PPP1R9A: variants seen among roughly 807,000 people sequenced by gnomAD.
The protein encoded by PPP1R9A is protein phosphatase 1 regulatory subunit 9A.
PPP1R9A carries 59 observed loss-of-function variants against 141.9 expected under a neutral mutation model. The ratio of observed to expected loss-of-function variants is 0.42; its 90% confidence interval spans 0.34 to 0.52. The LOEUF (loss-of-function observed/expected upper bound fraction) is 0.52, where lower values mean the gene tolerates loss of function less well. PPP1R9A is among the 20% of genes least tolerant of loss of function. The pLI is 0.10. For synonymous variants in PPP1R9A, 500 were observed against 569.7 expected, an observed-to-expected ratio of 0.88 and a Z score of 1.74; for missense variants, 1,444 against 1,611.9, an observed-to-expected ratio of 0.90 and a Z score of 1.78.
At position 95,072,941 on chromosome 7, in the gene PPP1R9A, T is replaced by C. The variant is rs1280601427; in HGVS notation, c.1396-38318T>C. Among the ~76,000 whole-genome samples the C allele has an allele frequency of 8.6e-5, 11 of 128,464 alleles. No homozygotes were observed. In the Admixed American group the frequency reaches 1.1e-3, roughly 12 times the overall value. The allele number at this position is 128,464 out of a possible 152,430, so 84.3% of individuals were successfully genotyped here. A position where few individuals can be genotyped will look rare whatever the true frequency, so the allele number is the denominator to read the frequency against. On this transcript the variant is annotated intron_variant, in intron 2 of 19. Transcript: ENST00000433360. ...TATTATATATTGCATATATATTATA[T>C]ATATTATATATTATAATATGTTATA...
At chr7:94,955,648 T>C (rs1797002667) in intron 2 of PPP1R9A, among the ~76,000 whole-genome samples, 1 of 152,140 alleles carries the variant, frequency 6.6e-6, no homozygotes, top group Admixed American at 6.6e-5. Flanking sequence ...AAATTTGTTA[T>C]TTTGTATGGT....
At chr7:94,967,243 T>C (rs953173088) in intron 2 of PPP1R9A, among the ~76,000 whole-genome samples, 4 of 152,146 alleles carry the variant, frequency 2.6e-5, no homozygotes, top group African/African-American at 9.7e-5. Flanking sequence ...GTCTATTTTG[T>C]TGATCTTTTC....
intron 4 of PPP1R9A, among the ~76,000 whole-genome samples, chr7:95,132,725 C>T (rs1824886844): frequency 6.6e-6 from 1 of 152,052 alleles, no homozygotes; most frequent in African/African-American, 2.4e-5. Flanking sequence ...GGCTTGCACC[C>T]CAGTCTGGAT....
At chr7:94,976,167 A>G (rs1799421283) in intron 2 of PPP1R9A, among the ~76,000 whole-genome samples, 1 of 152,112 alleles carries the variant, frequency 6.6e-6, no homozygotes. Context: ...ATTATCTGTT[A>G]TCTGTCAAGT....
intron 2 of PPP1R9A, among the ~76,000 whole-genome samples, chr7:94,946,114 T>C (rs1795867361): frequency 6.6e-6 from 1 of 152,124 alleles, no homozygotes; most frequent in South Asian, 2.1e-4. Context: ...GGATAGCAAA[T>C]ATGTAGAACA....
At chr7:95,265,849 G>A (rs1801209258) in intron 12 of PPP1R9A, among the ~76,000 whole-genome samples, 1 of 152,038 alleles carries the variant, frequency 6.6e-6, no homozygotes, top group East Asian at 1.9e-4. Flanking sequence ...TTAGGTACCG[G>A]ATATAAGGCA....
chr7:95,078,726 G>T (rs1261141254), intron 2 of PPP1R9A, among the ~76,000 whole-genome samples: 2 of 151,688 alleles, frequency 1.3e-5, no homozygotes, highest in Non-Finnish European at 1.5e-5. Context: ...TTCTCTGATG[G>T]CCAGTGATGG....
chr7:95,091,490 C>T (rs1817338760), intron 2 of PPP1R9A, among the ~76,000 whole-genome samples: 1 of 151,452 alleles, frequency 6.6e-6, no homozygotes, highest in Admixed American at 6.6e-5. Flanking sequence ...ATTATAAGCA[C>T]ATGACACCAC....
In PPP1R9A at chr7:94,924,359, A is replaced by AGTTCTC. The variant is rs1258166694; in HGVS notation, c.1395+12851_1395+12852insGTTCTC. Among the ~76,000 whole-genome samples, 33 of 152,164 alleles carry AGTTCTC rather than the reference A, an allele frequency of 2.2e-4. 1 individual carries two copies. Among genetic ancestry groups the AGTTCTC allele is most frequent in the African/African-American group, 8.0e-4 (33 of 41,430 alleles). ...ATCTTGCTGGCTCCTTCTCTGTATA[A>AGTTCTC]CGAGTTCTGTGAGTAGTAGCATTAG... On this transcript the variant is annotated intron_variant, in intron 2 of 19. Coordinates refer to ENST00000433360, the MANE Select transcript of PPP1R9A (RefSeq NM_001166160.2).
At chr7:95,051,573 A>T (rs1471631368) in intron 2 of PPP1R9A, among the ~76,000 whole-genome samples, 1 of 152,170 alleles carries the variant, frequency 6.6e-6, no homozygotes, top group African/African-American at 2.4e-5. Flanking sequence ...ATTGGGAAAA[A>T]TTGGCATCTT....
chr7:95,160,679 C>A (rs1383899542), intron 4 of PPP1R9A, among the ~76,000 whole-genome samples: 1 of 152,056 alleles, frequency 6.6e-6, no homozygotes, highest in Non-Finnish European at 1.5e-5. Context: ...TCCCTCTCTT[C>A]CTTTCCCCTC....
intron 2 of PPP1R9A, among the ~76,000 whole-genome samples, chr7:95,104,906 G>A (rs1281126256): frequency 1.3e-5 from 2 of 152,204 alleles, no homozygotes; most frequent in African/African-American, 4.8e-5. Context: ...GTTCTGCCAA[G>A]GAAGCTTGTG....
chr7:95,180,472 G>T (rs1833573229), intron 5 of PPP1R9A, among the ~76,000 whole-genome samples: 1 of 152,008 alleles, frequency 6.6e-6, no homozygotes, highest in Admixed American at 6.6e-5. Flanking sequence ...GGCAGTTTTG[G>T]GTTTCATGAC....
At position 95,252,163 on chromosome 7, in the gene PPP1R9A, G is replaced by C. The variant is rs760706712; in HGVS notation, c.2665+33G>C. The stretch of plus-strand genomic sequence containing the variant: ...TAACCCAACCACAAAAATCATTTTT[G>C]ATGACTGTGTAATTTGGCCTTTTAT... On this transcript the variant is annotated intron_variant, in intron 12 of 19. Coordinates refer to ENST00000433360, the MANE Select transcript of PPP1R9A (RefSeq NM_001166160.2). The C allele has an allele frequency of 7.9e-6, 12 of 1,525,772 alleles. 1 individual carries two copies. In the South Asian group the frequency reaches 1.6e-4, roughly 21 times the overall value. 94.5% of individuals were successfully genotyped at this position (1,525,772 alleles called of 1,614,324 possible). A position where few individuals can be genotyped will look rare whatever the true frequency, so the allele number is the denominator to read the frequency against.
rs539901619 is a variant in PPP1R9A, at chr7:94,949,511, A to G, written c.1395+38003A>G. Among the ~76,000 whole-genome samples, 718 of 152,280 alleles carry G rather than the reference A, an allele frequency of 4.7e-3. 8 individuals carry two copies. The Middle Eastern group carries it at 0.054, about 12-fold the overall frequency. ...ATTGGATGCAAGTGTTGTGGCCCCC[A>G]TATAAAACAAAAATGGGATTTACCC... On this transcript the variant is annotated intron_variant, in intron 2 of 19. Transcript: ENST00000433360.
At chr7:95,266,955 A>G (rs575489113) in intron 12 of PPP1R9A, among the ~76,000 whole-genome samples, 14 of 152,246 alleles carry the variant, frequency 9.2e-5, no homozygotes, top group African/African-American at 3.4e-4. Flanking sequence ...TGACATGTAA[A>G]AAGTAAAGAG....
Position 94,918,163 on chromosome 7 carries a change from CT to C in PPP1R9A, c.1395+6659del, listed in dbSNP as rs1232376393. Among the ~76,000 whole-genome samples, 3 of 152,240 alleles carry C rather than the reference CT, an allele frequency of 2.0e-5. No individual in the cohort carries two copies. In the East Asian group the frequency reaches 5.8e-4, roughly 29 times the overall value. On this transcript the variant is annotated intron_variant, in intron 2 of 19. Transcript: ENST00000433360. ...GCTATGGTTTTGAAAAGGAAGAAAA[CT>C]TTTCAAGTTATGCTTTATAGTTTTT...
intron 5 of PPP1R9A, among the ~76,000 whole-genome samples, chr7:95,186,921 A>G (rs920142153): frequency 6.6e-6 from 1 of 151,872 alleles, no homozygotes; most frequent in Non-Finnish European, 1.5e-5. Context: ...CTAGTATTTT[A>G]TTGAGGATTT....
chr7:95,135,701 C>T (rs1357290765), intron 4 of PPP1R9A, among the ~76,000 whole-genome samples: 2 of 149,838 alleles, frequency 1.3e-5, no homozygotes, highest in Non-Finnish European at 3.0e-5. Flanking sequence ...TTTAGTATTC[C>T]TCTTACTCAC....
Sources: allele counts gnomAD v4.1 joint callset (sites outside exome capture counted in the v4.1 genomes callset), GRCh38; gene constraint gnomAD v4.1.1; transcripts MANE v1.5; gene names NCBI Gene and HGNC (gene_info 2026-07-23, HGNC 2026-07-21).